The following PARD3B variants were observed in gnomAD, a reference collection of about 807,000 sequenced individuals.
PARD3B encodes the protein partitioning defective 3 homolog B.
PARD3B carries 103 observed loss-of-function variants against 130.2 expected under a neutral mutation model. The ratio of observed to expected loss-of-function variants is 0.79; its 90% CI spans 0.67 to 0.93. The LOEUF (loss-of-function observed/expected upper bound fraction) is 0.93. PARD3B is among the 40% of genes least tolerant of loss of function. The probability of loss-of-function intolerance (pLI) is 0.00; values close to 1 mark genes in which losing one functional copy is unlikely to be tolerated. For synonymous variants in PARD3B, 583 were observed against 553.2 expected, an observed-to-expected ratio of 1.05 and a Z score of -0.76; for missense variants, 1,609 against 1,499.2, an observed-to-expected ratio of 1.07 and a Z score of -1.21.
At chr2:205,471,961 C>A (rs1185101121) in intron 20 of PARD3B, among the ~76,000 whole-genome samples, 1 of 152,152 alleles carries the variant, frequency 6.6e-6, no homozygotes, top group African/African-American at 2.4e-5. Context: ...AGAAGCAGGG[C>A]TTACCACTCA....
intron 2 of PARD3B, among the ~76,000 whole-genome samples, chr2:204,827,697 C>G (rs530205273): frequency 2.3e-4 from 35 of 152,256 alleles, no homozygotes; most frequent in African/African-American, 7.7e-4. Context: ...AAGATAAATT[C>G]CAAGCACTTC....
chr2:204,996,801 C>T (rs1299073683), intron 3 of PARD3B, among the ~76,000 whole-genome samples: 45 of 147,626 alleles, frequency 3.0e-4, no homozygotes, highest in Middle Eastern at 3.4e-3. Flanking sequence ...TTTTTTAAGC[C>T]GGTCTGAAAA....
chr2:205,465,342 A>T (rs1277851858), intron 20 of PARD3B, among the ~76,000 whole-genome samples: 1 of 152,136 alleles, frequency 6.6e-6, no homozygotes, highest in Non-Finnish European at 1.5e-5. Context: ...GAGGATATTG[A>T]GTTGTAGAGA....
chr2:205,550,833 G>T lies in PARD3B; in HGVS notation c.3181-2491G>T, dbSNP rs2052585404. ...TTATATGTATATATGTATATTTTAT[G>T]TATATTTGAATATTTTATATGTATA... is the stretch of plus-strand genomic sequence containing the variant. On this transcript the variant is annotated intron_variant, in intron 21 of 22. Transcript: ENST00000406610. The surrounding 1 kb of genome is among the most constrained non-coding windows in gnomAD (Gnocchi z 4.5). Among the ~76,000 whole-genome samples the T allele has an allele frequency of 6.8e-6, 1 of 147,782 alleles. No homozygotes were observed. Among genetic ancestry groups the T allele is most frequent in the Non-Finnish European group, 1.5e-5 (1 of 67,130 alleles).
chr2:205,548,519 A>G (rs1026706064), intron 21 of PARD3B, among the ~76,000 whole-genome samples: 1 of 151,984 alleles, frequency 6.6e-6, no homozygotes, highest in Non-Finnish European at 1.5e-5. Flanking sequence ...AGTCAATCCT[A>G]TTGCTCTTAC....
intron 4 of PARD3B, among the ~76,000 whole-genome samples, chr2:205,075,437 A>G (rs1175903155): frequency 3.3e-5 from 5 of 152,114 alleles, no homozygotes. Context: ...TATAGAAAGT[A>G]CAACTTAGCT....
intron 2 of PARD3B, among the ~76,000 whole-genome samples, chr2:204,846,768 G>A (rs2044478235): frequency 6.6e-6 from 1 of 151,184 alleles, no homozygotes; most frequent in South Asian, 2.1e-4. Context: ...CCTCCTTGTT[G>A]GATGAATGCA....
chr2:204,847,869 A>G (rs1372686188), intron 2 of PARD3B, among the ~76,000 whole-genome samples: 1 of 152,330 alleles, frequency 6.6e-6, no homozygotes, highest in Non-Finnish European at 1.5e-5. Context: ...GGTTGCTAAG[A>G]TCTGTCACAA....
At chr2:205,517,337 C>G (rs1255249764) in intron 21 of PARD3B, among the ~76,000 whole-genome samples, 2 of 151,914 alleles carry the variant, frequency 1.3e-5, no homozygotes, top group Non-Finnish European at 2.9e-5. Flanking sequence ...ATCTACCCAT[C>G]TCTTCTAGGT....
In PARD3B at chr2:204,944,513, T is replaced by A. The variant is rs373004213; in HGVS notation, c.223-20639T>A. 5.9e-5 allele frequency among the ~76,000 whole-genome samples: 9 copies of A among 152,332 alleles called. No individual in the cohort carries two copies. The East Asian group carries it at 1.7e-3, about 29-fold the overall frequency. On this transcript the variant is annotated intron_variant, in intron 2 of 22. Coordinates refer to ENST00000406610, the MANE Select transcript of PARD3B (RefSeq NM_001302769.2). ...TCCATTTCTTTGTGAAAGTCCTGTC[T>A]GAGGAAAGGGATCCCATTCAGCCTG...
chr2:204,820,221 G>A lies in PARD3B; in HGVS notation c.222+133939G>A, dbSNP rs189110651. The stretch of plus-strand genomic sequence containing the variant: ...CTCCCAAGCAGCTGGGATAACAGGC[G>A]TACACCACCATGCCCAATTAATTTT... On this transcript the variant is annotated intron_variant, in intron 2 of 22. Coordinates refer to ENST00000406610, the MANE Select transcript of PARD3B (RefSeq NM_001302769.2). Among the ~76,000 whole-genome samples, 201 of 151,724 alleles carry A rather than the reference G, an allele frequency of 1.3e-3. 3 individuals are homozygous for A. Among genetic ancestry groups the A allele is most frequent in the African/African-American group, 4.7e-3 (196 of 41,368 alleles).
At chr2:205,350,438 TAGTG>T (rs754247853) in intron 18 of PARD3B, among the ~76,000 whole-genome samples, 1 of 152,190 alleles carries the variant, frequency 6.6e-6, no homozygotes, top group Non-Finnish European at 1.5e-5. Context: ...TTTTGTACAT[TAGTG>T]AGGCACTGAT....
At chr2:205,035,088 C>G (rs902983558) in intron 3 of PARD3B, among the ~76,000 whole-genome samples, 1 of 152,046 alleles carries the variant, frequency 6.6e-6, no homozygotes, top group African/African-American at 2.4e-5. Flanking sequence ...GTCTCGAACT[C>G]CTAACCTCAG....
chr2:205,237,899 A>G (rs2039141763), intron 15 of PARD3B, among the ~76,000 whole-genome samples: 1 of 152,146 alleles, frequency 6.6e-6, no homozygotes, highest in South Asian at 2.1e-4. Context: ...TTGGACCCCA[A>G]TTACCTTCTC....
chr2:204,864,642 T>C (rs1169313838), intron 2 of PARD3B, among the ~76,000 whole-genome samples: 2 of 152,192 alleles, frequency 1.3e-5, no homozygotes, highest in Admixed American at 1.3e-4. Flanking sequence ...TGTTTTGTTA[T>C]CCTCCTGGCA....
At chr2:204,875,985 A>T (rs998017709) in intron 2 of PARD3B, among the ~76,000 whole-genome samples, 2 of 151,736 alleles carry the variant, frequency 1.3e-5, no homozygotes, top group African/African-American at 4.8e-5. Flanking sequence ...TTCTGGATCC[A>T]CTCCTTCACT....
intron 2 of PARD3B, among the ~76,000 whole-genome samples, chr2:204,688,487 C>T (rs573143545): frequency 3.4e-5 from 5 of 146,324 alleles, no homozygotes; most frequent in South Asian, 2.1e-4. Flanking sequence ...GGCTGAGGCA[C>T]GAGAATCAAT....
chr2:205,380,230 G>A (rs868307149), intron 18 of PARD3B, among the ~76,000 whole-genome samples: 16 of 84,224 alleles, frequency 1.9e-4, no homozygotes, highest in African/African-American at 3.6e-4. Flanking sequence ...TATATATTAT[G>A]TAAAGAATAT....
chr2:205,082,383 A>AT (rs1271040607), intron 4 of PARD3B, among the ~76,000 whole-genome samples: 1 of 152,212 alleles, frequency 6.6e-6, no homozygotes, highest in African/African-American at 2.4e-5. Context: ...CAGCACTAAT[A>AT]ATAGAACAAT....
Sources: gnomAD v4.1 joint callset for allele counts (sites outside exome capture counted in the v4.1 genomes callset) on GRCh38, gnomAD v4.1.1 for gene constraint, Gnocchi (gnomAD v3.1) non-coding constraint, MANE v1.5 for transcripts, NCBI Gene and HGNC (gene_info 2026-07-23, HGNC 2026-07-21) for gene names.